Variants in CACNA1E observed in about 807,000 individuals in gnomAD.
The protein encoded by CACNA1E is calcium voltage-gated channel subunit alpha1 E.
In CACNA1E, 40 loss-of-function variants were observed where a neutral mutation model predicts 259.2. The ratio of observed to expected loss-of-function variants is 0.15; its 90% CI spans 0.12 to 0.20. The LOEUF is 0.20. Among genes scored for constraint, CACNA1E ranks in the 10% least tolerant of loss-of-function variants. The pLI is 1.00. For synonymous variants in CACNA1E, 1,104 were observed against 1,138.5 expected (o/e 0.97, Z 0.61); for missense variants, 1,874 against 3,040.1 (o/e 0.62, Z 9.02).
intron 7 of CACNA1E, among the ~76,000 whole-genome samples, chr1:181,709,513 T>G (rs973530518): frequency 2.0e-5 from 3 of 152,220 alleles, no homozygotes; most frequent in African/African-American, 7.2e-5. Flanking sequence ...GCGTCTTCCC[T>G]TTCCCTGCAC....
At chr1:181,608,198 G>A (rs1654410836) in intron 6 of CACNA1E, among the ~76,000 whole-genome samples, 1 of 152,036 alleles carries the variant, frequency 6.6e-6, no homozygotes, top group Non-Finnish European at 1.5e-5. Context: ...AGAGAAGGGT[G>A]GAAAGTAGGT....
intron 6 of CACNA1E, among the ~76,000 whole-genome samples, chr1:181,617,836 G>A (rs61814530): frequency 0.056 from 8,504 of 152,288 alleles, 338 homozygotes; most frequent in Non-Finnish European, 0.084. Context: ...AAATGACTCC[G>A]TTGGATGTGC....
chr1:181,736,736 A>G (rs1656072979), intron 22 of CACNA1E, among the ~76,000 whole-genome samples: 1 of 152,198 alleles, frequency 6.6e-6, no homozygotes, highest in Non-Finnish European at 1.5e-5. Flanking sequence ...GGAGGGAGGA[A>G]GGAAATCTAC....
At chr1:181,320,942 T>G (rs1224317118) in intron 1 of CACNA1E, among the ~76,000 whole-genome samples, 1 of 152,184 alleles carries the variant, frequency 6.6e-6, no homozygotes, top group Non-Finnish European at 1.5e-5. Flanking sequence ...CTCTGCAGGC[T>G]GTACAAGAAG....
intron 2 of CACNA1E, among the ~76,000 whole-genome samples, chr1:181,468,093 ATTAGG>A (rs1662263882): frequency 6.6e-6 from 1 of 152,216 alleles, no homozygotes; most frequent in Non-Finnish European, 1.5e-5. Flanking sequence ...GTGTGGCTAG[ATTAGG>A]TTATTACCCA....
At chr1:181,688,268 G>A (rs558937681) in intron 7 of CACNA1E, among the ~76,000 whole-genome samples, 3 of 152,018 alleles carry the variant, frequency 2.0e-5, no homozygotes, top group Admixed American at 6.6e-5. Context: ...GCAATATATC[G>A]CTAAATGTTA....
chr1:181,423,780 C>T (rs185485460), intron 2 of CACNA1E, among the ~76,000 whole-genome samples: 2 of 151,866 alleles, frequency 1.3e-5, no homozygotes, highest in Admixed American at 6.6e-5. Flanking sequence ...AGACATCACT[C>T]GGGTTGTTAG....
chr1:181,771,960 G>A, intron 36 of CACNA1E, 106 bp from the exon 37 acceptor site: 1 of 1,008,476 alleles, frequency 9.9e-7, no homozygotes, highest in Non-Finnish European at 1.5e-6. Context: ...AAGAGAGCCT[G>A]TTGGGCCCAG....
intron 1 of CACNA1E, among the ~76,000 whole-genome samples, chr1:181,372,517 T>G (rs577650382): frequency 9.0e-4 from 137 of 152,336 alleles, no homozygotes; most frequent in African/African-American, 3.2e-3. Flanking sequence ...GGGGGTTTTC[T>G]AGGTATAGAA....
At chr1:181,658,081 G>A (rs1227126303) in intron 7 of CACNA1E, among the ~76,000 whole-genome samples, 2 of 152,202 alleles carry the variant, frequency 1.3e-5, no homozygotes, top group Non-Finnish European at 2.9e-5. Flanking sequence ...ATATATTTTA[G>A]TTTGGAAAAT....
intron 6 of CACNA1E, among the ~76,000 whole-genome samples, chr1:181,599,663 A>C (rs1191212918): frequency 1.3e-5 from 2 of 152,232 alleles, no homozygotes; most frequent in East Asian, 3.8e-4. Context: ...AGAACCTTGC[A>C]TATCGTGTGG....
chr1:181,358,272 T>G (rs1008439700), intron 1 of CACNA1E, among the ~76,000 whole-genome samples: 1 of 152,118 alleles, frequency 6.6e-6, no homozygotes, highest in Non-Finnish European at 1.5e-5. Flanking sequence ...AGCAGGTGAG[T>G]TATACCTACT....
At chr1:181,731,626 G>C (rs985145754) in intron 19 of CACNA1E, among the ~76,000 whole-genome samples, 4 of 152,092 alleles carry the variant, frequency 2.6e-5, no homozygotes, top group African/African-American at 9.7e-5. Context: ...ACAGGCTCAG[G>C]GAGGAGGTAA....
At chr1:181,594,755 G>A (rs550554617) in intron 6 of CACNA1E, among the ~76,000 whole-genome samples, 66 of 152,298 alleles carry the variant, frequency 4.3e-4, no homozygotes, top group African/African-American at 5.8e-4. Flanking sequence ...GGCAAGTCAC[G>A]TGACCTCAGT....
intron 46 of CACNA1E, 58 bp downstream of exon 46, chr1:181,795,102 C>A: frequency 7.2e-7 from 1 of 1,393,218 alleles, no homozygotes; most frequent in Non-Finnish European, 1.0e-6. Context: ...TGCCCTGATG[C>A]ACTTACTCTC....
intron 2 of CACNA1E, among the ~76,000 whole-genome samples, chr1:181,415,619 A>G (rs1464888688): frequency 1.3e-5 from 2 of 152,236 alleles, no homozygotes; most frequent in East Asian, 3.8e-4. Flanking sequence ...AAATGAAGAT[A>G]GAGAAGGAAA....
At chr1:181,761,568 T>G (rs1167939566) in intron 32 of CACNA1E, among the ~76,000 whole-genome samples, 1 of 152,250 alleles carries the variant, frequency 6.6e-6, no homozygotes, top group Non-Finnish European at 1.5e-5. Context: ...GTGATGTTGC[T>G]GAGGATATCA....
At chr1:181,411,473 CCT>C (rs1274338088) in intron 1 of CACNA1E, among the ~76,000 whole-genome samples, 1 of 152,122 alleles carries the variant, frequency 6.6e-6, no homozygotes, top group African/African-American at 2.4e-5. Flanking sequence ...TTCCCTAAAT[CCT>C]CTCTCATGCA....
At chr1:181,325,978 C>T (rs575097705) in intron 1 of CACNA1E, among the ~76,000 whole-genome samples, 3 of 152,312 alleles carry the variant, frequency 2.0e-5, no homozygotes, top group African/African-American at 7.2e-5. Flanking sequence ...TTGCACTCCG[C>T]GTGCACTGGC....
Sources: gnomAD v4.1 joint callset for allele counts (sites outside exome capture counted in the v4.1 genomes callset) on GRCh38, gnomAD v4.1.1 for gene constraint, MANE v1.5 for transcripts, NCBI Gene and HGNC (gene_info 2026-07-23, HGNC 2026-07-21) for gene names.